The following SNX18 variants were observed in gnomAD, a reference collection of about 807,000 sequenced individuals.
The protein encoded by SNX18 is sorting nexin-18.
Under a neutral mutation model 48.7 loss-of-function variants are expected in SNX18, and 35 were observed. That is an observed-to-expected ratio of 0.72 (90% CI 0.55 to 0.95). The LOEUF is 0.95. SNX18 is among the 40% of genes least tolerant of loss of function. The pLI is 0.00. For missense variants in SNX18, 824 were observed against 871.0 expected (o/e 0.95, Z 0.68); for synonymous variants, 492 against 384.7 (o/e 1.28, Z -3.26).
At chr5:54,597,764 T>A in the SNX18 span, among the ~76,000 whole-genome samples, 1 of 152,108 alleles carries the variant, frequency 6.6e-6, no homozygotes, top group Non-Finnish European at 1.5e-5. Flanking sequence ...TTTATAGCAC[T>A]AAATGCTCAC....
chr5:54,615,645 G>T, the SNX18 span, among the ~76,000 whole-genome samples: 2 of 152,200 alleles, frequency 1.3e-5, no homozygotes, highest in South Asian at 2.1e-4. Flanking sequence ...GCCTATCTTG[G>T]GTATGCCACC....
the SNX18 span, among the ~76,000 whole-genome samples, chr5:54,646,763 G>A: frequency 8.5e-5 from 13 of 152,262 alleles, no homozygotes; most frequent in South Asian, 2.7e-3. Context: ...CCAACACTAG[G>A]CTTTCTACCA....
chr5:54,555,291 C>T, the SNX18 span, among the ~76,000 whole-genome samples: 1 of 152,202 alleles, frequency 6.6e-6, no homozygotes, highest in African/African-American at 2.4e-5. Context: ...GTATAATTCT[C>T]CTGCCTTCCT....
intron 1 of SNX18, among the ~76,000 whole-genome samples, chr5:54,539,699 T>C (rs1580107952): frequency 6.6e-6 from 1 of 152,162 alleles, no homozygotes; most frequent in Admixed American, 6.5e-5. Context: ...TGCCAGCCTT[T>C]CCATAAATGT....
At chr5:54,566,905 G>A in the SNX18 span, among the ~76,000 whole-genome samples, 33 of 152,266 alleles carry the variant, frequency 2.2e-4, 1 homozygote, top group African/African-American at 7.7e-4. Flanking sequence ...CGTTCATTAC[G>A]ACTCCCCATC....
the SNX18 span, among the ~76,000 whole-genome samples, chr5:54,608,093 A>C: frequency 6.6e-6 from 1 of 152,206 alleles, no homozygotes; most frequent in African/African-American, 2.4e-5. Context: ...AGAGACTGCC[A>C]AACTATTTTC....
intron 1 of SNX18, among the ~76,000 whole-genome samples, chr5:54,536,285 G>T (rs1042180724): frequency 6.6e-6 from 1 of 151,984 alleles, no homozygotes; most frequent in Non-Finnish European, 1.5e-5. Flanking sequence ...CAGCGTGCAG[G>T]TTTGTTACAT....
chr5:54,535,215 T>C (rs979037776), intron 1 of SNX18, among the ~76,000 whole-genome samples: 1 of 152,186 alleles, frequency 6.6e-6, no homozygotes, highest in African/African-American at 2.4e-5. Flanking sequence ...GAGCATCCTT[T>C]AGAACTGCGA....
At chr5:54,637,986 G>GGAGAGAGAGAGAGA in the SNX18 span, among the ~76,000 whole-genome samples, 23 of 149,422 alleles carry the variant, frequency 1.5e-4, no homozygotes, top group South Asian at 3.9e-3. Flanking sequence ...CTGCTGGACT[G>GGAGAGAGAGAGAGA]GAGAGAGAGA....
the SNX18 span, among the ~76,000 whole-genome samples, chr5:54,631,958 CA>C: frequency 6.6e-6 from 1 of 152,204 alleles, no homozygotes; most frequent in East Asian, 1.9e-4. Context: ...CTTTCTTTAA[CA>C]GGGACAAGGA....
At chr5:54,551,073 G>T (rs539183704), downstream of SNX18, among the ~76,000 whole-genome samples, 2 of 148,298 alleles carry the variant, frequency 1.3e-5, no homozygotes, top group South Asian at 2.1e-4. Context: ...TTGACAAGGG[G>T]ACTAGCAAAA....
the SNX18 span, among the ~76,000 whole-genome samples, chr5:54,608,535 C>T: frequency 0.081 from 12,354 of 152,142 alleles, 1,095 homozygotes; most frequent in African/African-American, 0.22. Context: ...CACACCCAGC[C>T]GCCATGCTTT....
At chr5:54,634,155 C>T in the SNX18 span, among the ~76,000 whole-genome samples, 1 of 152,200 alleles carries the variant, frequency 6.6e-6, no homozygotes, top group Non-Finnish European at 1.5e-5. Flanking sequence ...GGTCTCCCTC[C>T]TCCCCCATAT....
At chr5:54,573,097 G>A in the SNX18 span, among the ~76,000 whole-genome samples, 1 of 151,924 alleles carries the variant, frequency 6.6e-6, no homozygotes, top group South Asian at 2.1e-4. Context: ...TATCTTGAGA[G>A]CAAAGGCATT....
the SNX18 span, among the ~76,000 whole-genome samples, chr5:54,589,743 T>C: frequency 6.6e-6 from 1 of 152,134 alleles, no homozygotes; most frequent in African/African-American, 2.4e-5. Flanking sequence ...GAGGGGGAAA[T>C]GCCCAGTCAA....
chr5:54,620,584 T>A, the SNX18 span, among the ~76,000 whole-genome samples: 1 of 152,176 alleles, frequency 6.6e-6, no homozygotes, highest in Non-Finnish European at 1.5e-5. Context: ...ACAGAAAATA[T>A]CTGACATAAG....
chr5:54,645,162 A>C, the SNX18 span: 2 of 152,354 alleles, frequency 1.3e-5, no homozygotes, highest in South Asian at 4.1e-4. Flanking sequence ...GTACTAAAAC[A>C]TGGTAAGAAT....
the SNX18 span, among the ~76,000 whole-genome samples, chr5:54,624,525 C>G: frequency 6.6e-6 from 1 of 152,178 alleles, no homozygotes; most frequent in Admixed American, 6.5e-5. Flanking sequence ...CTTGGAGCAC[C>G]TGAAGCAATT....
chr5:54,519,001 C>G lies in SNX18; in HGVS notation c.1049C>G (p.Ser350Cys), dbSNP rs370777622. The G allele has an allele frequency of 1.5e-5, 24 of 1,613,582 alleles. No homozygotes were observed. Among genetic ancestry groups the G allele is most frequent in the Non-Finnish European group, 2.0e-5 (24 of 1,179,852 alleles). ...ATGRFEEDFI[S>C]KRRKGLIWWM... ...GGCCGCTTCGAGGAGGACTTCATCT[C>G]TAAGCGCAGGAAGGGCCTGATCTGG... The change falls in exon 1 of 2, where the codon TCT becomes TGT. Residue 350 changes from serine (S) to cysteine (C), a missense_variant. Around this residue, in one of 3 missense-constraint regions of SNX18, gnomAD observed 443 missense variants for 503.6 expected, o/e 0.88. Transcript: ENST00000381410.
Sources: allele counts gnomAD v4.1 joint callset (sites outside exome capture counted in the v4.1 genomes callset), GRCh38; gene constraint gnomAD v4.1.1; regional missense constraint gnomAD v4.1.1; transcripts MANE v1.5; gene names NCBI Gene and HGNC (gene_info 2026-07-23, HGNC 2026-07-21).